BCHE: variants seen among roughly 807,000 people sequenced by gnomAD.
BCHE encodes butyrylcholinesterase, also known as cholinesterase.
Under a neutral mutation model 51.3 loss-of-function variants are expected in BCHE, and 48 were observed. The observed-to-expected ratio is 0.94, with a 90% CI of 0.74 to 1.19. BCHE has a LOEUF of 1.19. Among genes scored for constraint, BCHE ranks in the 50% most tolerant of loss-of-function variants. BCHE has a pLI of 0.00. For synonymous variants in BCHE, 251 were observed against 238.0 expected, an observed-to-expected ratio of 1.05 and a Z score of -0.50; for missense variants, 847 against 708.2, an observed-to-expected ratio of 1.20 and a Z score of -2.23.
At chr3:165,785,997 T>G in intron 3 of BCHE, 148 bp downstream of exon 3, 1 of 813,384 alleles carries the variant, frequency 1.2e-6, no homozygotes, top group South Asian at 1.6e-5. Context: ...GAAGAAAGTC[T>G]TAAAAATAAT....
intron 3 of BCHE, chr3:165,778,671 T>C (rs1419028442): frequency 4.4e-6 from 2 of 453,092 alleles, no homozygotes; most frequent in Admixed American, 4.7e-5. Flanking sequence ...AAGCAGACCC[T>C]GTCATTTTCA....
rs1438333201 is a variant in BCHE at position 165,830,356 on chromosome 3, A to G, written c.678T>C (p.Ser226=). The G allele has an allele frequency of 6.2e-7, 1 of 1,614,036 alleles. No individual in the cohort carries two copies. Among genetic ancestry groups the G allele is most frequent in the East Asian group, 2.2e-5 (1 of 44,868 alleles). ...GCAGGCTAACTGAAGCTGCTCCTGC[A>G]CTTTCTCCAAAGAGAGTTACACTTT... ...NPKSVTLFGE[S]AGAASVSLHL... Residue 226 remains serine (S), a synonymous_variant, in exon 2 of 4, where the codon AGT becomes AGC. Transcript: ENST00000264381.
intron 3 of BCHE, chr3:165,778,546 T>C: frequency 3.2e-6 from 1 of 313,348 alleles, no homozygotes; most frequent in East Asian, 7.6e-5. Flanking sequence ...TCATCTCTGG[T>C]TCCTGCTTAT....
At chr3:165,805,129 TC>T (rs1284180693) in intron 2 of BCHE, among the ~76,000 whole-genome samples, 2 of 152,174 alleles carry the variant, frequency 1.3e-5, no homozygotes, top group African/African-American at 2.4e-5. Flanking sequence ...TCTAGTAGAA[TC>T]TACTTTAAGA....
At chr3:165,777,703 A>G in intron 3 of BCHE, 1 of 438,714 alleles carries the variant, frequency 2.3e-6, no homozygotes, top group Admixed American at 2.4e-5. Flanking sequence ...TCTGAACTGC[A>G]CAAGTCCACT....
Position 165,809,083 on chromosome 3 carries a change from T to C in BCHE, c.1517+20434A>G, listed in dbSNP as rs140806561. On this transcript the variant is annotated intron_variant, in intron 2 of 3. Transcript: ENST00000264381. ...GACTATGCTTACTTTATTTAAAAAG[T>C]AAATGATCCATATGTATTTCTCAAA... is the stretch of plus-strand genomic sequence containing the variant. 7.2e-4 allele frequency among the ~76,000 whole-genome samples: 109 copies of C among 152,290 alleles called. 1 individual carries two copies. The highest frequency in any genetic ancestry group is 5.2e-3 in the East Asian group (27 of 5,186).
At chr3:165,790,451 G>A (rs145594896) in intron 2 of BCHE, among the ~76,000 whole-genome samples, 264 of 152,220 alleles carry the variant, frequency 1.7e-3, no homozygotes, top group African/African-American at 6.2e-3. Context: ...GTTCTAATTT[G>A]TAACTTTTTG....
intron 2 of BCHE, among the ~76,000 whole-genome samples, chr3:165,816,160 T>C (rs1714307324): frequency 6.6e-6 from 1 of 151,758 alleles, no homozygotes; most frequent in African/African-American, 2.4e-5. Flanking sequence ...TAGGATGTTG[T>C]CTGTTTTTCT....
chr3:165,808,175 C>T (rs1713942383), intron 2 of BCHE, among the ~76,000 whole-genome samples: 1 of 151,932 alleles, frequency 6.6e-6, no homozygotes, highest in South Asian at 2.1e-4. Context: ...TTAGTAGAGA[C>T]GAGGTTTCAC....
chr3:165,779,622 T>C (rs946805173), intron 3 of BCHE, among the ~76,000 whole-genome samples: 3 of 151,924 alleles, frequency 2.0e-5, no homozygotes, highest in East Asian at 1.9e-4. Context: ...ACACCAATAA[T>C]AGACAAGCAG....
intron 1 of BCHE, among the ~76,000 whole-genome samples, chr3:165,831,607 C>G (rs1372237366): frequency 1.3e-5 from 2 of 152,074 alleles, no homozygotes; most frequent in African/African-American, 4.8e-5. Flanking sequence ...TCTATACAAT[C>G]CTATTATACA....
chr3:165,807,546 A>ATTTT (rs1265669741), intron 2 of BCHE, among the ~76,000 whole-genome samples: 3 of 150,390 alleles, frequency 2.0e-5, no homozygotes, highest in Non-Finnish European at 3.0e-5. Flanking sequence ...TTATTTATTT[A>ATTTT]TTTTTATTTA....
At chr3:165,816,263 T>C (rs948406438) in intron 2 of BCHE, among the ~76,000 whole-genome samples, 2 of 151,960 alleles carry the variant, frequency 1.3e-5, no homozygotes. Context: ...TTGCATTGTA[T>C]TTATGAGGAT....
chr3:165,802,365 G>C (rs552820430), intron 2 of BCHE, among the ~76,000 whole-genome samples: 2 of 152,254 alleles, frequency 1.3e-5, no homozygotes, highest in South Asian at 4.1e-4. Context: ...AATCACTGAA[G>C]AGTTATTATC....
chr3:165,777,900 AC>A (rs1448818132), intron 3 of BCHE: 3 of 301,448 alleles, frequency 1.0e-5, no homozygotes, highest in African/African-American at 6.7e-5. Context: ...TTTTCTTTAC[AC>A]TAGCTTACTT....
At chr3:165,826,927 A>G (rs1247543951) in intron 2 of BCHE, among the ~76,000 whole-genome samples, 1 of 152,118 alleles carries the variant, frequency 6.6e-6, no homozygotes, top group Non-Finnish European at 1.5e-5. Flanking sequence ...CCTTGCTGGT[A>G]TCATCTGTTT....
chr3:165,825,299 A>G (rs1451524869), intron 2 of BCHE, among the ~76,000 whole-genome samples: 1 of 151,580 alleles, frequency 6.6e-6, no homozygotes, highest in Middle Eastern at 3.2e-3. Context: ...GAAATAATGA[A>G]CCTCAATGCC....
At chr3:165,781,053 CCAA>C (rs1301026017) in intron 3 of BCHE, among the ~76,000 whole-genome samples, 6 of 152,048 alleles carry the variant, frequency 3.9e-5, no homozygotes, top group Non-Finnish European at 7.4e-5. Flanking sequence ...ATCAGCCTGA[CCAA>C]CATGGAGAAA....
At chr3:165,782,245 T>C (rs1489857367) in intron 3 of BCHE, among the ~76,000 whole-genome samples, 2 of 152,116 alleles carry the variant, frequency 1.3e-5, no homozygotes, top group Non-Finnish European at 1.5e-5. Context: ...ATGATTTTAG[T>C]ACTTTAAGAT....
Sources: allele counts gnomAD v4.1 joint callset (sites outside exome capture counted in the v4.1 genomes callset), GRCh38; gene constraint gnomAD v4.1.1; transcripts MANE v1.5; gene names NCBI Gene and HGNC (gene_info 2026-07-23, HGNC 2026-07-21).